Variants in CDH12 observed in about 807,000 individuals in gnomAD.
CDH12 encodes cadherin-12.
In CDH12, 41 loss-of-function variants were observed where a neutral mutation model predicts 74.1. The observed-to-expected ratio is 0.55, with a 90% CI of 0.43 to 0.72. CDH12 has a LOEUF of 0.72. CDH12 is among the 30% of genes least tolerant of loss of function. The pLI is 0.00. For synonymous variants in CDH12, 399 were observed against 355.0 expected, an observed-to-expected ratio of 1.12 and a Z score of -1.39; for missense variants, 945 against 977.2, an observed-to-expected ratio of 0.97 and a Z score of 0.44.
intron 1 of CDH12, among the ~76,000 whole-genome samples, chr5:22,705,719 T>C (rs925597299): frequency 2.0e-5 from 3 of 152,118 alleles, no homozygotes; most frequent in Non-Finnish European, 4.4e-5. Context: ...TTACATTTTT[T>C]TTCCTTTTAA....
intron 3 of CDH12, among the ~76,000 whole-genome samples, chr5:22,225,352 T>C (rs1340025068): frequency 1.3e-5 from 2 of 152,130 alleles, no homozygotes; most frequent in African/African-American, 4.8e-5. Flanking sequence ...GGGAGATAAG[T>C]CATTTTGTGC....
intron 1 of CDH12, among the ~76,000 whole-genome samples, chr5:22,619,085 A>G (rs534335750): frequency 2.6e-5 from 4 of 152,016 alleles, no homozygotes; most frequent in African/African-American, 9.6e-5. Context: ...ACACCTTCTT[A>G]CCTTCTATTA....
intron 6 of CDH12, among the ~76,000 whole-genome samples, chr5:21,951,630 G>A (rs1245552328): frequency 6.6e-6 from 1 of 152,152 alleles, no homozygotes; most frequent in Admixed American, 6.5e-5. Context: ...GTTACCTGTT[G>A]AAACTAAATT....
intron 1 of CDH12, among the ~76,000 whole-genome samples, chr5:22,524,468 A>G (rs1031085947): frequency 6.6e-6 from 1 of 152,200 alleles, no homozygotes; most frequent in African/African-American, 2.4e-5. Flanking sequence ...ATACCCTACT[A>G]TATTTTAAAA....
chr5:22,130,933 T>C (rs1187640296), intron 4 of CDH12, among the ~76,000 whole-genome samples: 4 of 151,760 alleles, frequency 2.6e-5, no homozygotes, highest in South Asian at 2.1e-4. Context: ...AGTGACATCA[T>C]ACATGTGCAT....
At chr5:22,683,378 G>A (rs2126932293) in intron 1 of CDH12, among the ~76,000 whole-genome samples, 1 of 152,178 alleles carries the variant, frequency 6.6e-6, no homozygotes, top group Non-Finnish European at 1.5e-5. Flanking sequence ...AGTCAATACT[G>A]TTAAATAAGT....
In CDH12 at chr5:22,187,063, G is replaced by A. The variant is rs186674621; in HGVS notation, c.-187+25435C>T. 9.2e-4 allele frequency among the ~76,000 whole-genome samples: 140 copies of A among 152,124 alleles called. 1 individual carries two copies. The highest frequency in any genetic ancestry group is 3.4e-3 in the Middle Eastern group (1 of 294). ...TTATAAAACAAAATAGATATTCAGC[G>A]TGGAAATTCAGAAAGGAAACACATA... is the stretch of plus-strand genomic sequence containing the variant. On this transcript the variant is annotated intron_variant, in intron 4 of 14. Coordinates refer to ENST00000382254, the MANE Select transcript of CDH12 (RefSeq NM_004061.5).
rs576407000 is a variant in CDH12, at chr5:21,928,156, A to C, written c.526+46935T>G. 2.6e-5 allele frequency among the ~76,000 whole-genome samples: 4 copies of C among 152,356 alleles called. No homozygotes were observed. In the South Asian group the frequency reaches 8.3e-4, roughly 32 times the overall value. ...AAAACATTTGACTATGACTATGATC[A>C]TCTGCCATCTTTATAGATATTGAAA... On this transcript the variant is annotated intron_variant, in intron 6 of 14. Transcript: ENST00000382254.
intron 6 of CDH12, among the ~76,000 whole-genome samples, chr5:21,908,976 T>C (rs551114542): frequency 1.3e-5 from 2 of 152,336 alleles, no homozygotes; most frequent in South Asian, 4.1e-4. Context: ...AATGGTATTC[T>C]GGAGCTCAGT....
intron 1 of CDH12, among the ~76,000 whole-genome samples, chr5:22,620,382 G>A (rs1737911129): frequency 6.6e-6 from 1 of 151,892 alleles, no homozygotes; most frequent in Non-Finnish European, 1.5e-5. Flanking sequence ...TAATTTATTA[G>A]GAAGGTACAA....
chr5:22,034,263 G>A (rs1409274980), intron 5 of CDH12, among the ~76,000 whole-genome samples: 3 of 152,182 alleles, frequency 2.0e-5, no homozygotes. Flanking sequence ...TCAGACTGCT[G>A]GCATCAGGTA....
chr5:22,018,386 T>C (rs747452227), intron 5 of CDH12, among the ~76,000 whole-genome samples: 72 of 152,332 alleles, frequency 4.7e-4, no homozygotes, highest in Middle Eastern at 3.4e-3. Flanking sequence ...ATGTGATCTT[T>C]TTTGGATTAA....
intron 1 of CDH12, among the ~76,000 whole-genome samples, chr5:22,541,953 G>C (rs1738120775): frequency 6.6e-6 from 1 of 152,162 alleles, no homozygotes; most frequent in Non-Finnish European, 1.5e-5. Context: ...ATTGATTCAT[G>C]GACATGGCTT....
chr5:22,140,207 C>G (rs1366669030), intron 4 of CDH12, among the ~76,000 whole-genome samples: 1 of 152,154 alleles, frequency 6.6e-6, no homozygotes, highest in South Asian at 2.1e-4. Flanking sequence ...TCACATATTA[C>G]CTTTCTCCAA....
chr5:22,532,077 A>T (rs552328487), intron 1 of CDH12, among the ~76,000 whole-genome samples: 1 of 151,952 alleles, frequency 6.6e-6, no homozygotes, highest in Non-Finnish European at 1.5e-5. Flanking sequence ...ATGGAGCTGC[A>T]TAAGAATAAG....
intron 6 of CDH12, among the ~76,000 whole-genome samples, chr5:21,885,023 A>G (rs1228681749): frequency 6.6e-6 from 1 of 151,974 alleles, no homozygotes; most frequent in Admixed American, 6.6e-5. Flanking sequence ...GTTAGCTGGG[A>G]TTAAAGGCAT....
intron 1 of CDH12, among the ~76,000 whole-genome samples, chr5:22,534,720 G>A (rs1737751071): frequency 6.6e-6 from 1 of 151,868 alleles, no homozygotes; most frequent in Non-Finnish European, 1.5e-5. Flanking sequence ...AGGACTCAAT[G>A]GAACAGAAAA....
intron 2 of CDH12, among the ~76,000 whole-genome samples, chr5:22,432,005 C>T (rs933756661): frequency 5.3e-5 from 8 of 151,988 alleles, no homozygotes; most frequent in South Asian, 2.1e-4. Flanking sequence ...ATGCCCTAGG[C>T]GTTCAAATTC....
At chr5:22,630,381 T>G (rs1054731235) in intron 1 of CDH12, among the ~76,000 whole-genome samples, 1 of 151,962 alleles carries the variant, frequency 6.6e-6, no homozygotes, top group African/African-American at 2.4e-5. Flanking sequence ...TACCACATTA[T>G]CCAACTTCGA....
Sources: gnomAD v4.1 joint callset for allele counts (sites outside exome capture counted in the v4.1 genomes callset) on GRCh38, gnomAD v4.1.1 for gene constraint, MANE v1.5 for transcripts, NCBI Gene and HGNC (gene_info 2026-07-23, HGNC 2026-07-21) for gene names.